Variants in ABTB3 observed in about 807,000 individuals in gnomAD.
ABTB3 encodes the protein ankyrin repeat- and BTB/POZ domain-containing protein 3.
the ABTB3 span, among the ~76,000 whole-genome samples, chr12:107,627,764 C>T: frequency 1.3e-5 from 2 of 152,194 alleles, no homozygotes; most frequent in African/African-American, 2.4e-5. Context: ...ACCCAGTCAT[C>T]TGAATCCTGC....
the ABTB3 span, among the ~76,000 whole-genome samples, chr12:107,388,900 T>C: frequency 2.6e-4 from 40 of 152,184 alleles, no homozygotes; most frequent in South Asian, 6.2e-4. Flanking sequence ...AACTCTTCCA[T>C]GGATACATTA....
the ABTB3 span, among the ~76,000 whole-genome samples, chr12:107,337,193 G>A: frequency 5.3e-5 from 8 of 152,328 alleles, no homozygotes; most frequent in Non-Finnish European, 1.2e-4. Context: ...CTTCAGTCTG[G>A]GTATCAGATG....
the ABTB3 span, among the ~76,000 whole-genome samples, chr12:107,353,269 A>G: frequency 6.6e-5 from 10 of 152,204 alleles, no homozygotes; most frequent in South Asian, 6.2e-4. Context: ...GGGGGGAGAT[A>G]TAGAACCATA....
At chr12:107,455,790 C>A in the ABTB3 span, among the ~76,000 whole-genome samples, 4 of 152,150 alleles carry the variant, frequency 2.6e-5, no homozygotes, top group African/African-American at 7.2e-5. Context: ...TGGTCTAGGA[C>A]GGCCTCTGAT....
At chr12:107,346,548 C>T in the ABTB3 span, among the ~76,000 whole-genome samples, 1 of 152,094 alleles carries the variant, frequency 6.6e-6, no homozygotes, top group Non-Finnish European at 1.5e-5. Flanking sequence ...CAACCTCTGC[C>T]TCCCGGGTTC....
At chr12:107,550,782 C>T in the ABTB3 span, among the ~76,000 whole-genome samples, 1 of 152,028 alleles carries the variant, frequency 6.6e-6, no homozygotes, top group African/African-American at 2.4e-5. Context: ...AGGGTTTCAC[C>T]ATTTTGGCTA....
the ABTB3 span, among the ~76,000 whole-genome samples, chr12:107,468,007 A>G: frequency 6.6e-6 from 1 of 152,182 alleles, no homozygotes; most frequent in South Asian, 2.1e-4. Context: ...GCACCTGCAG[A>G]GACCCCTCGT....
the ABTB3 span, among the ~76,000 whole-genome samples, chr12:107,612,380 A>G: frequency 6.6e-6 from 1 of 152,230 alleles, no homozygotes; most frequent in South Asian, 2.1e-4. Context: ...TGACACTGTT[A>G]TATTGTGAAA....
At chr12:107,366,419 AAAGGAAAAAACCTAACACCAGGAAAC>A in the ABTB3 span, among the ~76,000 whole-genome samples, 171 of 152,334 alleles carry the variant, frequency 1.1e-3, 2 homozygotes, top group East Asian at 0.021. Context: ...AGAGAGTAAA[AAAGGAAAAAACCTAACACCAGGAAAC>A]AACTCTGGAG....
At chr12:107,426,104 C>G in the ABTB3 span, among the ~76,000 whole-genome samples, 1 of 147,734 alleles carries the variant, frequency 6.8e-6, no homozygotes, top group South Asian at 2.3e-4. Flanking sequence ...ATCTCCTTTT[C>G]GACTCCTCTC....
the ABTB3 span, among the ~76,000 whole-genome samples, chr12:107,439,445 T>C: frequency 6.6e-6 from 1 of 152,180 alleles, no homozygotes; most frequent in African/African-American, 2.4e-5. Context: ...AGGCCACCCA[T>C]TCCCTTATAG....
At chr12:107,499,965 C>T in the ABTB3 span, among the ~76,000 whole-genome samples, 2 of 152,104 alleles carry the variant, frequency 1.3e-5, no homozygotes, top group Non-Finnish European at 2.9e-5. Context: ...GGATTACAGA[C>T]ATGAGCCACT....
At chr12:107,525,033 A>G in the ABTB3 span, among the ~76,000 whole-genome samples, 1 of 152,110 alleles carries the variant, frequency 6.6e-6, no homozygotes, top group Non-Finnish European at 1.5e-5. Flanking sequence ...GTCCCATAAG[A>G]TCATAATACT....
At chr12:107,602,078 G>C in the ABTB3 span, among the ~76,000 whole-genome samples, 1 of 152,154 alleles carries the variant, frequency 6.6e-6, no homozygotes. Flanking sequence ...AGTGAGGTCA[G>C]GATTGGTCCT....
At chr12:107,629,974 C>T in the ABTB3 span, among the ~76,000 whole-genome samples, 23 of 152,198 alleles carry the variant, frequency 1.5e-4, 1 homozygote, top group East Asian at 4.5e-3. Flanking sequence ...CTCAAAAGGG[C>T]CCTCCTGGAG....
chr12:107,386,635 T>G, the ABTB3 span, among the ~76,000 whole-genome samples: 2 of 152,198 alleles, frequency 1.3e-5, no homozygotes, highest in African/African-American at 4.8e-5. Context: ...ACCCATTCTG[T>G]CCTGAGTCAG....
the ABTB3 span, among the ~76,000 whole-genome samples, chr12:107,431,543 A>G: frequency 6.6e-6 from 1 of 152,118 alleles, no homozygotes; most frequent in South Asian, 2.1e-4. Flanking sequence ...TGGGCGGCGG[A>G]GGTTGCAGTG....
the ABTB3 span, chr12:107,617,195 G>C: frequency 6.2e-7 from 1 of 1,614,020 alleles, no homozygotes; most frequent in African/African-American, 1.3e-5. Flanking sequence ...AAGAGCTGCT[G>C]GTTCTCACCC....
At chr12:107,374,678 G>A in the ABTB3 span, 1 of 152,414 alleles carries the variant, frequency 6.6e-6, no homozygotes, top group Non-Finnish European at 1.5e-5. Flanking sequence ...CTTCAAGCTA[G>A]TGACTTCTCT....
Sources: gnomAD v4.1 joint callset for allele counts (sites outside exome capture counted in the v4.1 genomes callset) on GRCh38, gnomAD v4.1.1 for gene constraint, MANE v1.5 for transcripts, NCBI Gene and HGNC (gene_info 2026-07-23, HGNC 2026-07-21) for gene names.